The following TSEN2 variants were observed in gnomAD, a reference collection of about 807,000 sequenced individuals.
TSEN2 encodes the protein tRNA-splicing endonuclease subunit Sen2.
A neutral mutation model predicts 59.2 loss-of-function variants in TSEN2; 54 were observed. The observed-to-expected ratio is 0.91, with a 90% CI of 0.73 to 1.14. The LOEUF (loss-of-function observed/expected upper bound fraction) is 1.14. Ranked by LOEUF, TSEN2 falls within the 50% of genes most tolerant of loss-of-function variation. TSEN2 has a pLI of 0.00. For synonymous variants in TSEN2, 195 were observed against 198.2 expected (o/e 0.98, Z 0.14); for missense variants, 636 against 576.2 (o/e 1.10, Z -1.06).
At chr3:12,481,799 C>G (rs1249889215), upstream of TSEN2, among the ~76,000 whole-genome samples, 1 of 152,068 alleles carries the variant, frequency 6.6e-6, no homozygotes, top group East Asian at 1.9e-4. Context: ...TTGTATTTCT[C>G]CTGGAAACAT....
chr3:12,512,878 T>C (rs2055630704), intron 6 of TSEN2, among the ~76,000 whole-genome samples: 1 of 152,230 alleles, frequency 6.6e-6, no homozygotes, highest in South Asian at 2.1e-4. Context: ...GAGATCTATT[T>C]TTCCATTACA....
At chr3:12,517,018 C>T (rs899992845) in intron 7 of TSEN2, among the ~76,000 whole-genome samples, 6 of 152,134 alleles carry the variant, frequency 3.9e-5, no homozygotes, top group Non-Finnish European at 8.8e-5. Context: ...ACTTTACACG[C>T]AATATTTCCA....
upstream of TSEN2, among the ~76,000 whole-genome samples, chr3:12,480,416 A>G (rs2052177633): frequency 6.6e-6 from 1 of 151,824 alleles, no homozygotes; most frequent in Non-Finnish European, 1.5e-5. Flanking sequence ...GAAGCCTCCC[A>G]GGCTCTTAAA....
At chr3:12,519,815 T>A (rs1051912820) in intron 8 of TSEN2, among the ~76,000 whole-genome samples, 4 of 152,080 alleles carry the variant, frequency 2.6e-5, no homozygotes, top group African/African-American at 4.8e-5. Context: ...ATCGGGTAAT[T>A]TGGGAGAGTC....
At chr3:12,491,136 G>T (rs1476792178) in intron 2 of TSEN2, among the ~76,000 whole-genome samples, 1 of 151,960 alleles carries the variant, frequency 6.6e-6, no homozygotes, top group Non-Finnish European at 1.5e-5. Context: ...GACTACAGGC[G>T]CATGCCACCA....
chr3:12,508,001 G>A (rs190333257), intron 6 of TSEN2, among the ~76,000 whole-genome samples: 33 of 152,286 alleles, frequency 2.2e-4, no homozygotes, highest in African/African-American at 7.9e-4. Context: ...ATGGGGGAGG[G>A]TGTGTCCATG....
Position 12,489,860 on chromosome 3 carries a change from G to A in TSEN2, c.60G>A (p.Glu20=). 6.2e-7 allele frequency: 1 copy of A among 1,614,068 alleles called. No individual in the cohort carries two copies. ...KRKRRVYETY[E]SPLPIPFGQD... ...AAAGAAGAGTGTATGAGACTTACGAGTCTCCATTGCCAATCCCTTTTGGTC... is the reference window on the plus strand; with the variant it reads ...AAAGAAGAGTGTATGAGACTTACGAATCTCCATTGCCAATCCCTTTTGGTC... The change falls in exon 2 of 12, where the codon GAG becomes GAA. Residue 20 remains glutamate, a synonymous_variant. Coordinates refer to ENST00000284995, the MANE Select transcript of TSEN2 (RefSeq NM_025265.4).
chr3:12,534,638 T>C (rs962054924), downstream of TSEN2, among the ~76,000 whole-genome samples: 2 of 151,608 alleles, frequency 1.3e-5, no homozygotes, highest in Admixed American at 6.6e-5. Flanking sequence ...CCGTCTCTAC[T>C]AAAAAATACA....
rs2057336730 is a variant in TSEN2 at position 12,529,701 on chromosome 3, ATTC to A, written c.1137-58_1137-56del. 2.7e-6 allele frequency: 4 copies of A among 1,488,542 alleles called. No individual in the cohort carries two copies. In the African/African-American group the frequency reaches 4.2e-5, roughly 15 times the overall value. The allele number at this position is 1,488,542 out of a possible 1,614,324, so 92.2% of individuals were successfully genotyped here. A position where few individuals can be genotyped will look rare whatever the true frequency, so the allele number is the denominator to read the frequency against. ...TATATTTGTTCTTGGTAGGACAAAT[ATTC>A]TTTTTAAACAGATTTATTTCATGAT... is the stretch of plus-strand genomic sequence containing the variant. On this transcript the variant is annotated intron_variant, in intron 9 of 11. Coordinates refer to ENST00000284995, the MANE Select transcript of TSEN2 (RefSeq NM_025265.4).
chr3:12,511,207 T>C (rs2055416294), intron 6 of TSEN2: 1 of 152,164 alleles, frequency 6.6e-6, no homozygotes, highest in Admixed American at 6.6e-5. Context: ...GTAGCATGGC[T>C]GTAGGGCGTT....
intron 6 of TSEN2, among the ~76,000 whole-genome samples, chr3:12,506,152 C>G (rs1357231926): frequency 6.9e-6 from 1 of 144,852 alleles, no homozygotes; most frequent in African/African-American, 2.9e-5. Context: ...TTAAAGAGTA[C>G]AAGTCGCTAT....
intron 6 of TSEN2, among the ~76,000 whole-genome samples, chr3:12,511,428 G>A (rs1349671726): frequency 6.6e-6 from 1 of 152,106 alleles, no homozygotes; most frequent in Non-Finnish European, 1.5e-5. Context: ...GTGAAGAAAA[G>A]ATTCATGGTG....
chr3:12,481,662 G>A (rs573615878), upstream of TSEN2, among the ~76,000 whole-genome samples: 2 of 152,204 alleles, frequency 1.3e-5, no homozygotes, highest in South Asian at 2.1e-4. Context: ...TGTTGGCTGC[G>A]AGTTCAGTGT....
At chr3:12,480,569 C>T (rs1338556062), upstream of TSEN2, among the ~76,000 whole-genome samples, 2 of 114,462 alleles carry the variant, frequency 1.7e-5, no homozygotes, top group African/African-American at 3.6e-5. Context: ...ATCACTCTGT[C>T]GCCCAGGCTG....
upstream of TSEN2, among the ~76,000 whole-genome samples, chr3:12,483,105 G>A (rs988108929): frequency 2.6e-5 from 4 of 152,266 alleles, no homozygotes; most frequent in Non-Finnish European, 4.4e-5. Context: ...GCAGGATGCA[G>A]TGGCTCAAGC....
upstream of TSEN2, among the ~76,000 whole-genome samples, chr3:12,480,539 T>TG (rs2052180834): frequency 7.0e-6 from 1 of 142,974 alleles, no homozygotes; most frequent in Non-Finnish European, 1.5e-5. Flanking sequence ...TTTTTTTTTT[T>TG]TTTTTTTTTT....
chr3:12,526,200 C>T (rs2057068986), intron 8 of TSEN2, among the ~76,000 whole-genome samples: 1 of 151,902 alleles, frequency 6.6e-6, no homozygotes, highest in African/African-American at 2.4e-5. Context: ...ATAAAAAAAT[C>T]TAAAGACAGA....
chr3:12,482,887 A>T (rs528084528), upstream of TSEN2, among the ~76,000 whole-genome samples: 1 of 152,284 alleles, frequency 6.6e-6, no homozygotes, highest in Admixed American at 6.5e-5. Context: ...TGCCCAATCC[A>T]TCCTGTTACC....
In TSEN2 at chr3:12,496,556, T is replaced by A; in HGVS notation, c.308+2T>A. On this transcript the variant is annotated splice_donor_variant, in intron 4 of 11. Coordinates refer to ENST00000284995, the MANE Select transcript of TSEN2 (RefSeq NM_025265.4). LOFTEE classifies it high-confidence loss of function. The stretch of plus-strand genomic sequence containing the variant: ...CATGCCTATCATCACATCAAAGAGG[T>A]AAGTCATAATGAACTTTGGCTTCTG... 6.2e-7 allele frequency: 1 copy of A among 1,614,078 alleles called. No individual in the cohort carries two copies. The highest frequency in any genetic ancestry group is 8.5e-7 in the Non-Finnish European group (1 of 1,179,982).
Sources: allele counts gnomAD v4.1 joint callset (sites outside exome capture counted in the v4.1 genomes callset), GRCh38; gene constraint gnomAD v4.1.1; transcripts MANE v1.5; gene names NCBI Gene and HGNC (gene_info 2026-07-23, HGNC 2026-07-21).